The following OSTN variants were observed in gnomAD, a reference collection of about 807,000 sequenced individuals.
OSTN encodes the protein osteocrin.
In OSTN, 9 loss-of-function variants were observed where a neutral mutation model predicts 12.0. That is an observed-to-expected ratio of 0.75 (90% CI 0.45 to 1.30). The LOEUF is 1.30. Ranked by LOEUF, OSTN falls within the 50% of genes most tolerant of loss-of-function variation. The pLI is 0.00. For missense variants in OSTN, 148 were observed against 152.3 expected (o/e 0.97, Z 0.15); for synonymous variants, 59 against 56.9 (o/e 1.04, Z -0.16).
intron 3 of OSTN, among the ~76,000 whole-genome samples, chr3:191,235,993 T>G (rs1715179175): frequency 6.6e-6 from 1 of 152,190 alleles, no homozygotes; most frequent in Non-Finnish European, 1.5e-5. Context: ...CAAAGCCCTT[T>G]CCCCATATGA....
At chr3:191,200,646 G>A (rs1186641228) in intron 1 of OSTN, among the ~76,000 whole-genome samples, 1 of 151,406 alleles carries the variant, frequency 6.6e-6, no homozygotes. Context: ...TTGTCCTTGT[G>A]AAAAGGACAA....
At chr3:191,237,326 A>G (rs547801799) in intron 3 of OSTN, among the ~76,000 whole-genome samples, 2 of 152,360 alleles carry the variant, frequency 1.3e-5, no homozygotes, top group South Asian at 4.1e-4. Context: ...TATCCATGAT[A>G]TATGGATTTC....
intron 3 of OSTN, among the ~76,000 whole-genome samples, chr3:191,233,750 T>G (rs959943468): frequency 1.3e-5 from 2 of 152,132 alleles, no homozygotes; most frequent in African/African-American, 4.8e-5. Flanking sequence ...TCCCAGCACT[T>G]TGGGAGGCCG....
chr3:191,215,823 G>C (rs1354085342), intron 2 of OSTN, among the ~76,000 whole-genome samples: 1 of 152,154 alleles, frequency 6.6e-6, no homozygotes, highest in African/African-American at 2.4e-5. Context: ...TCATGGGCTG[G>C]CATTGAGTGT....
At chr3:191,202,261 G>A (rs1576919966) in intron 1 of OSTN, among the ~76,000 whole-genome samples, 2 of 152,264 alleles carry the variant, frequency 1.3e-5, no homozygotes, top group Admixed American at 1.3e-4. Flanking sequence ...CTATGCAAAT[G>A]TTATTTTTTC....
chr3:191,220,537 A>T (rs889472295), intron 3 of OSTN, among the ~76,000 whole-genome samples: 2 of 152,194 alleles, frequency 1.3e-5, no homozygotes. Flanking sequence ...TGTTAGTGGG[A>T]ATGTAAATTA....
At chr3:191,245,001 G>A (rs757238370) in intron 3 of OSTN, among the ~76,000 whole-genome samples, 1 of 152,080 alleles carries the variant, frequency 6.6e-6, no homozygotes, top group Non-Finnish European at 1.5e-5. Context: ...TTTCTGGAAG[G>A]TCTGTCAGGG....
intron 4 of OSTN, among the ~76,000 whole-genome samples, chr3:191,260,591 T>C: frequency 6.6e-6 from 1 of 152,144 alleles, no homozygotes; most frequent in Non-Finnish European, 1.5e-5. Flanking sequence ...AAGCTCCTTA[T>C]GGACAGGACT....
chr3:191,251,574 A>G (rs939020538), intron 4 of OSTN, among the ~76,000 whole-genome samples: 1 of 152,204 alleles, frequency 6.6e-6, no homozygotes, highest in Non-Finnish European at 1.5e-5. Context: ...CTAAAACCAC[A>G]ATAAATAGTC....
At position 191,212,740 on chromosome 3, in the gene OSTN, A is replaced by T. The variant is rs544851012; in HGVS notation, c.102+106A>T. 294 of 220,328 alleles carry T rather than the reference A, an allele frequency of 1.3e-3. 1 individual carries two copies. The highest frequency in any genetic ancestry group is 6.8e-3 in the African/African-American group (275 of 40,670). The allele number at this position is 220,328 out of a possible 1,614,324, so 13.6% of individuals were successfully genotyped here. On this transcript the variant is annotated intron_variant, in intron 2 of 4. Coordinates refer to ENST00000682035, the MANE Select transcript of OSTN (RefSeq NM_198184.2). ...ATATTAAAATATATTTCATATACGT[A>T]AATATAATTTATATATTTATATATC...
chr3:191,202,628 T>C (rs548895486), intron 1 of OSTN, among the ~76,000 whole-genome samples: 1 of 152,318 alleles, frequency 6.6e-6, no homozygotes, highest in South Asian at 2.1e-4. Flanking sequence ...GAGTAAACAG[T>C]GAAGGGGGTC....
chr3:191,246,245 C>T (rs748274793), intron 3 of OSTN, among the ~76,000 whole-genome samples: 2 of 151,876 alleles, frequency 1.3e-5, no homozygotes, highest in Non-Finnish European at 2.9e-5. Context: ...TTTTCACTTC[C>T]TCTCATTCAC....
chr3:191,210,702 A>G (rs758043484), intron 1 of OSTN, among the ~76,000 whole-genome samples: 61 of 152,310 alleles, frequency 4.0e-4, no homozygotes, highest in Non-Finnish European at 6.0e-4. Flanking sequence ...TACCCCCAGC[A>G]GGTTTTCCAA....
At chr3:191,199,518 T>C (rs1453367907) in intron 1 of OSTN, among the ~76,000 whole-genome samples, 4 of 152,094 alleles carry the variant, frequency 2.6e-5, no homozygotes, top group Non-Finnish European at 5.9e-5. Context: ...ATTTCATATT[T>C]ATAAGATTGC....
chr3:191,224,369 T>G (rs376826026), intron 3 of OSTN, among the ~76,000 whole-genome samples: 3 of 135,102 alleles, frequency 2.2e-5, no homozygotes, highest in East Asian at 4.4e-4. Flanking sequence ...AGAGTGAAAC[T>G]CCATCTCAGA....
At chr3:191,214,190 C>T (rs980726767) in intron 2 of OSTN, among the ~76,000 whole-genome samples, 2 of 152,018 alleles carry the variant, frequency 1.3e-5, no homozygotes, top group Non-Finnish European at 1.5e-5. Flanking sequence ...GTACACTAAG[C>T]AGTAAAGAGG....
chr3:191,227,440 G>A (rs879543686), intron 3 of OSTN, among the ~76,000 whole-genome samples: 2 of 152,146 alleles, frequency 1.3e-5, no homozygotes, highest in Non-Finnish European at 2.9e-5. Context: ...CCAGCATAGT[G>A]CATGTGTACT....
At chr3:191,221,193 C>T (rs1714753706) in intron 3 of OSTN, among the ~76,000 whole-genome samples, 1 of 152,176 alleles carries the variant, frequency 6.6e-6, no homozygotes, top group South Asian at 2.1e-4. Context: ...TAAGGTCTCC[C>T]CAGCCCTGTG....
rs1022339617 is a variant in OSTN at position 191,264,575 on chromosome 3, G to C, written c.*1722G>C. The C allele has an allele frequency of 6.6e-6, 1 of 152,104 alleles. No homozygotes were observed. Among genetic ancestry groups the C allele is most frequent in the African/African-American group, 2.4e-5 (1 of 41,430 alleles). The allele number at this position is 152,104 out of a possible 1,614,324, so 9.4% of individuals were successfully genotyped here. On this transcript the variant is annotated 3_prime_UTR_variant, in exon 5 of 5. Coordinates refer to ENST00000682035, the MANE Select transcript of OSTN (RefSeq NM_198184.2). ...TTCATAAACTTGTGTTAGAAAGCTA[G>C]CAATAGCACATAGGGAAGTATCCTG...
Sources: allele counts gnomAD v4.1 joint callset (sites outside exome capture counted in the v4.1 genomes callset), GRCh38; gene constraint gnomAD v4.1.1; transcripts MANE v1.5; gene names NCBI Gene and HGNC (gene_info 2026-07-23, HGNC 2026-07-21).